The following FBXL17 variants were observed in gnomAD, a reference collection of about 807,000 sequenced individuals.
The protein encoded by FBXL17 is F-box and leucine rich repeat protein 17.
FBXL17 carries 22 observed loss-of-function variants against 66.2 expected under a neutral mutation model. The observed-to-expected ratio is 0.33, with a 90% CI of 0.24 to 0.47. The LOEUF (loss-of-function observed/expected upper bound fraction) is 0.47, where lower values mean the gene tolerates loss of function less well. Among genes scored for constraint, FBXL17 ranks in the 20% least tolerant of loss-of-function variants. FBXL17 has a pLI of 1.00. For synonymous variants in FBXL17, 474 were observed against 400.5 expected, an observed-to-expected ratio of 1.18 and a Z score of -2.19; for missense variants, 878 against 948.2, an observed-to-expected ratio of 0.93 and a Z score of 0.97.
At chr5:108,313,968 A>G (rs937030643) in intron 4 of FBXL17, among the ~76,000 whole-genome samples, 3 of 151,896 alleles carry the variant, frequency 2.0e-5, no homozygotes, top group African/African-American at 7.2e-5. Context: ...GTAGACTTTC[A>G]TGATAAAAAT....
At chr5:108,354,698 T>C (rs929442073) in intron 3 of FBXL17, among the ~76,000 whole-genome samples, 1 of 145,128 alleles carries the variant, frequency 6.9e-6, no homozygotes, top group African/African-American at 2.6e-5. Context: ...CCTAGGCATA[T>C]CATTTTCAAA....
chr5:107,917,446 T>A (rs1030692966), intron 7 of FBXL17, among the ~76,000 whole-genome samples: 9 of 152,148 alleles, frequency 5.9e-5, no homozygotes, highest in Non-Finnish European at 8.8e-5. Context: ...ATGGTCTTTT[T>A]AAAAAATGAA....
intron 4 of FBXL17, among the ~76,000 whole-genome samples, chr5:108,316,619 C>CT (rs1205801158): frequency 6.6e-6 from 1 of 151,112 alleles, no homozygotes; most frequent in Non-Finnish European, 1.5e-5. Context: ...AACTTATTTC[C>CT]TTTTTTTAAC....
At chr5:108,023,662 C>G (rs1036609263) in intron 6 of FBXL17, among the ~76,000 whole-genome samples, 5 of 152,140 alleles carry the variant, frequency 3.3e-5, no homozygotes, top group African/African-American at 1.2e-4. Flanking sequence ...TGTGAACATA[C>G]TTACTTTAAA....
intron 3 of FBXL17, among the ~76,000 whole-genome samples, chr5:108,359,318 G>C (rs373604596): frequency 1.1e-3 from 173 of 151,860 alleles, no homozygotes; most frequent in Non-Finnish European, 2.0e-3. Flanking sequence ...TTTATCTCTG[G>C]TCTGGTTATT....
At chr5:108,052,990 G>C (rs1747541765) in intron 6 of FBXL17, among the ~76,000 whole-genome samples, 1 of 152,164 alleles carries the variant, frequency 6.6e-6, no homozygotes, top group African/African-American at 2.4e-5. Flanking sequence ...AAACTGGCTA[G>C]CTATATGCAG....
chr5:108,202,493 A>C (rs1311411270), intron 5 of FBXL17, among the ~76,000 whole-genome samples: 2 of 152,202 alleles, frequency 1.3e-5, no homozygotes, highest in Non-Finnish European at 2.9e-5. Context: ...GGGCAGTAAT[A>C]ATAAGGTAGA....
At chr5:108,270,020 G>T (rs1312832997) in intron 4 of FBXL17, among the ~76,000 whole-genome samples, 1 of 149,414 alleles carries the variant, frequency 6.7e-6, no homozygotes, top group Non-Finnish European at 1.5e-5. Context: ...AAAACAAAAA[G>T]CAGCCAAACC....
At chr5:107,945,506 A>T (rs1751253847) in intron 7 of FBXL17, among the ~76,000 whole-genome samples, 1 of 152,208 alleles carries the variant, frequency 6.6e-6, no homozygotes, top group Non-Finnish European at 1.5e-5. Flanking sequence ...GGGTTGTTAT[A>T]TATAATGGTA....
chr5:107,924,787 C>T lies in FBXL17; in HGVS notation c.1823-43608G>A, dbSNP rs542412713. 5.3e-5 allele frequency among the ~76,000 whole-genome samples: 8 copies of T among 152,136 alleles called. No individual in the cohort carries two copies. In the East Asian group the frequency reaches 5.8e-4, roughly 11 times the overall value. ...TTTAAATTGAGTAAACCATCCATCA[C>T]GAAATTCTCGAGACCAGTTTAAGAA... On this transcript the variant is annotated intron_variant, in intron 7 of 8. Coordinates refer to ENST00000542267, the MANE Select transcript of FBXL17 (RefSeq NM_001163315.3).
chr5:108,322,193 G>C (rs1201948856), intron 4 of FBXL17, among the ~76,000 whole-genome samples: 1 of 151,926 alleles, frequency 6.6e-6, no homozygotes, highest in Non-Finnish European at 1.5e-5. Flanking sequence ...ATCCCATCCT[G>C]AGACTGTCTC....
intron 4 of FBXL17, among the ~76,000 whole-genome samples, chr5:108,326,498 G>A (rs1170684584): frequency 1.3e-5 from 2 of 152,068 alleles, no homozygotes; most frequent in Non-Finnish European, 2.9e-5. Context: ...AGCTACTCAG[G>A]AGGCTGAGGC....
At chr5:108,075,904 A>C (rs1240788342) in intron 6 of FBXL17, among the ~76,000 whole-genome samples, 1 of 152,226 alleles carries the variant, frequency 6.6e-6, no homozygotes, top group Non-Finnish European at 1.5e-5. Flanking sequence ...CTATGTTTAC[A>C]TATTGTCTTT....
chr5:108,298,481 A>C (rs10070565), intron 4 of FBXL17: 300,217 of 970,574 alleles, frequency 0.31, 47,906 homozygotes, highest in Middle Eastern at 0.37. Context: ...AAAGCATCTA[A>C]AGCCCTAAGT....
chr5:107,999,607 C>T (rs1416027966), intron 7 of FBXL17, among the ~76,000 whole-genome samples: 1 of 150,852 alleles, frequency 6.6e-6, no homozygotes, highest in African/African-American at 2.4e-5. Context: ...CAATTCTTCC[C>T]TTCATTCTCA....
chr5:107,933,764 G>A (rs1440568359), intron 7 of FBXL17, among the ~76,000 whole-genome samples: 1 of 152,064 alleles, frequency 6.6e-6, no homozygotes, highest in African/African-American at 2.4e-5. Context: ...AAAAATCTGT[G>A]ATTTATTCTA....
chr5:108,157,172 GAACA>G (rs1217142854), intron 6 of FBXL17, among the ~76,000 whole-genome samples: 7 of 130,562 alleles, frequency 5.4e-5, no homozygotes, highest in Non-Finnish European at 9.5e-5. Context: ...CTATGGCACT[GAACA>G]AACTGGAAAA....
chr5:107,998,808 A>C (rs1263843037), intron 7 of FBXL17, among the ~76,000 whole-genome samples: 1 of 152,128 alleles, frequency 6.6e-6, no homozygotes, highest in Non-Finnish European at 1.5e-5. Flanking sequence ...TTGCAAGATA[A>C]ATCTGACTTG....
At chr5:108,062,618 A>G (rs750529215) in intron 6 of FBXL17, among the ~76,000 whole-genome samples, 2 of 152,198 alleles carry the variant, frequency 1.3e-5, no homozygotes, top group Non-Finnish European at 2.9e-5. Flanking sequence ...TCCTACTCTA[A>G]TAAAACTTAA....
Sources: gnomAD v4.1 joint callset for allele counts (sites outside exome capture counted in the v4.1 genomes callset) on GRCh38, gnomAD v4.1.1 for gene constraint, MANE v1.5 for transcripts, NCBI Gene and HGNC (gene_info 2026-07-23, HGNC 2026-07-21) for gene names.